The following UNC13B variants were observed in gnomAD, a reference collection of about 807,000 sequenced individuals.
UNC13B encodes the protein unc-13 homolog B.
A neutral mutation model predicts 211.0 loss-of-function variants in UNC13B; 144 were observed. The observed-to-expected ratio is 0.68, with a 90% confidence interval of 0.60 to 0.78. The LOEUF is 0.78. Ranked by LOEUF, UNC13B falls within the 30% of genes least tolerant of loss-of-function variation. The pLI is 0.00. For synonymous variants in UNC13B, 709 were observed against 725.8 expected (o/e 0.98, Z 0.37); for missense variants, 1,777 against 2,002.0 (o/e 0.89, Z 2.14).
chr9:35,300,977 TCTTTC>T lies in UNC13B; in HGVS notation c.1575_1579del (p.Phe526Ter). ...CAAGAATGACAAGGACACGGCCATC[TCTTTC>T]CCTGAGTTGACTGGAGTACAATGTG... is the stretch of plus-strand genomic sequence containing the variant. On this transcript the variant is annotated frameshift_variant, in exon 9 of 40. Coordinates refer to ENST00000635942, the MANE Select transcript of UNC13B (RefSeq NM_001371189.2). LOFTEE classifies it high-confidence loss of function. The T allele has an allele frequency of 2.5e-6, 1 of 399,004 alleles. No individual in the cohort carries two copies. The highest frequency in any genetic ancestry group is 4.4e-6 in the Non-Finnish European group (1 of 226,016). 24.7% of individuals were successfully genotyped at this position (399,004 alleles called of 1,614,324 possible).
Position 35,404,045 on chromosome 9 carries a change from T to G in UNC13B, c.*12T>G. 2 of 1,606,896 alleles carry G rather than the reference T, an allele frequency of 1.2e-6. No homozygotes were observed. Among genetic ancestry groups the G allele is most frequent in the South Asian group, 2.2e-5 (2 of 90,630 alleles). On this transcript the variant is annotated 3_prime_UTR_variant, in exon 40 of 40. Transcript: ENST00000635942. ...AGGAGGGGAGCTGAACACCTTCGAC[T>G]CCTGTGCCAATCAGGCAGCAGCAAT...
Position 35,162,252 on chromosome 9 carries a change from G to A in UNC13B, c.-32G>A, listed in dbSNP as rs541060989. ...AAGAGGGAGCGGTCCGGCGCGGCTG[G>A]GGCGCGGCAGAGGCTTGCCCGATCC... On this transcript the variant is annotated 5_prime_UTR_variant, in exon 1 of 40. Coordinates refer to ENST00000635942, the MANE Select transcript of UNC13B (RefSeq NM_001371189.2). 84 of 1,542,526 alleles carry A rather than the reference G, an allele frequency of 5.4e-5. No individual in the cohort carries two copies. Among genetic ancestry groups the A allele is most frequent in the East Asian group, 1.5e-4 (6 of 40,904 alleles).
intron 1 of UNC13B, among the ~76,000 whole-genome samples, chr9:35,163,030 G>T (rs756193679): frequency 2.6e-5 from 4 of 152,164 alleles, no homozygotes; most frequent in Non-Finnish European, 5.9e-5. Context: ...AGTTCTATGT[G>T]GGTAGAGACT....
intron 11 of UNC13B, among the ~76,000 whole-genome samples, chr9:35,346,060 G>A (rs184013260): frequency 3.5e-4 from 54 of 152,234 alleles, no homozygotes; most frequent in Non-Finnish European, 4.4e-5. Context: ...CATTCCCTTT[G>A]GCTAATCTCA....
At position 35,308,277 on chromosome 9, in the gene UNC13B, C is replaced by T. The variant is rs1830021482; in HGVS notation, c.8873C>T (p.Pro2958Leu). 2.5e-6 allele frequency: 1 copy of T among 399,080 alleles called. No homozygotes were observed. The allele number at this position is 399,080 out of a possible 1,614,324, so 24.7% of individuals were successfully genotyped here. A position where few individuals can be genotyped will look rare whatever the true frequency, so the allele number is the denominator to read the frequency against. Residue 2958 changes from proline (P) to leucine (L), a missense_variant, in exon 9 of 40, where the codon CCC (proline) becomes CTC (leucine). Physicochemically the swap from Pro to Leu is moderately conservative, Grantham distance 98. Coordinates refer to ENST00000635942, the MANE Select transcript of UNC13B (RefSeq NM_001371189.2). ...ACPSGKHEEE[P>L]STVSEIFHQL... ...CCTTCAGGGAAACATGAGGAAGAAC[C>T]CTCCACTGTCTCTGAGATATTTCAC...
Position 35,396,503 on chromosome 9 carries a change from G to A in UNC13B, c.11336G>A (p.Ser3779Asn). Residue 3779 changes from serine (S) to asparagine (N), a missense_variant, in exon 27 of 40, where the codon AGT becomes AAT. By Grantham distance (46) the Ser-to-Asn change is conservative (BLOSUM62 1). Coordinates refer to ENST00000635942, the MANE Select transcript of UNC13B (RefSeq NM_001371189.2). ...CATGAGAAAGACCACCTGTGTAAAA[G>A]TGCTGACTACATGAACCTGCACTTC... The part of the protein sequence containing the change: ...EEHEKDHLCK[S>N]ADYMNLHFKV... The A allele has an allele frequency of 6.2e-7, 1 of 1,614,180 alleles. No homozygotes were observed. The highest frequency in any genetic ancestry group is 8.5e-7 in the Non-Finnish European group (1 of 1,180,044).
intron 1 of UNC13B, among the ~76,000 whole-genome samples, chr9:35,168,274 G>A (rs193253860): frequency 1.3e-5 from 2 of 152,170 alleles, no homozygotes; most frequent in Admixed American, 1.3e-4. Context: ...GGGTACATAT[G>A]CAGGTTTGTT....
rs1297662756 is a variant in UNC13B, at chr9:35,368,090, AG to A, written c.9461+1101del. On this transcript the variant is annotated intron_variant, in intron 12 of 39. Coordinates refer to ENST00000635942, the MANE Select transcript of UNC13B (RefSeq NM_001371189.2). ...TTTTTTTAACTTTTGTTTTAGGTTC[AG>A]GGGTACATGTGCAGGTTTGTTATAT... 2.0e-5 allele frequency among the ~76,000 whole-genome samples: 3 copies of A among 152,258 alleles called. No homozygotes were observed. In the East Asian group the frequency reaches 5.8e-4, roughly 29 times the overall value.
intron 20 of UNC13B, 78 bp downstream of exon 20, chr9:35,381,797 A>C: frequency 1.9e-6 from 3 of 1,555,836 alleles, no homozygotes; most frequent in Non-Finnish European, 2.6e-6. Context: ...CATGGTGGGC[A>C]GGTCCTTAGT....
chr9:35,277,555 C>T (rs1201918847), intron 7 of UNC13B, among the ~76,000 whole-genome samples: 2 of 151,734 alleles, frequency 1.3e-5, no homozygotes, highest in African/African-American at 4.8e-5. Context: ...CCCTGAAGTA[C>T]AAAGGAGCTT....
chr9:35,217,574 A>G (rs1209298901), intron 1 of UNC13B, among the ~76,000 whole-genome samples: 2 of 151,858 alleles, frequency 1.3e-5, no homozygotes, highest in African/African-American at 4.8e-5. Flanking sequence ...TATTTTTAGT[A>G]GAGACGGGGT....
rs374397832 is a variant in UNC13B at position 35,342,624 on chromosome 9, T to C, written c.9415-24323T>C. On this transcript the variant is annotated intron_variant, in intron 11 of 39. Transcript: ENST00000635942. ...CAGCCACCCTCTGGATGTGTGCATA[T>C]TCATATACAAATAATCTGTTTCTCC... Among the ~76,000 whole-genome samples, 103 of 152,240 alleles carry C rather than the reference T, an allele frequency of 6.8e-4. 1 individual carries two copies. In the South Asian group the frequency reaches 0.017, roughly 25 times the overall value.
At chr9:35,287,379 A>C (rs1453020556) in intron 7 of UNC13B, among the ~76,000 whole-genome samples, 1 of 151,604 alleles carries the variant, frequency 6.6e-6, no homozygotes, top group Non-Finnish European at 1.5e-5. Flanking sequence ...TGATCTGCCC[A>C]CCTCAACCTC....
intron 1 of UNC13B, among the ~76,000 whole-genome samples, chr9:35,204,870 A>G (rs186183758): frequency 6.6e-6 from 1 of 152,164 alleles, no homozygotes; most frequent in East Asian, 1.9e-4. Flanking sequence ...GGAAGGCATG[A>G]TTATATTTTG....
At chr9:35,283,514 T>C (rs10972419) in intron 7 of UNC13B, among the ~76,000 whole-genome samples, 3,964 of 151,928 alleles carry the variant, frequency 0.026, 175 homozygotes, top group African/African-American at 0.089. Flanking sequence ...TCACCCCCTC[T>C]CCTCTTTTCC....
chr9:35,257,113 A>C (rs1385193950), intron 6 of UNC13B, among the ~76,000 whole-genome samples: 3 of 151,624 alleles, frequency 2.0e-5, no homozygotes, highest in Non-Finnish European at 4.4e-5. Flanking sequence ...AGTGGCTATT[A>C]TTTATAACCA....
chr9:35,196,576 A>T (rs1822953968), intron 1 of UNC13B, among the ~76,000 whole-genome samples: 1 of 152,098 alleles, frequency 6.6e-6, no homozygotes, highest in South Asian at 2.1e-4. Flanking sequence ...TTTTCTCTTT[A>T]TCCCGGACTT....
intron 7 of UNC13B, among the ~76,000 whole-genome samples, chr9:35,265,133 T>C (rs1001604284): frequency 2.0e-5 from 3 of 152,130 alleles, no homozygotes; most frequent in African/African-American, 7.2e-5. Flanking sequence ...AGACATGAAT[T>C]ATGGGGGGCT....
intron 37 of UNC13B, chr9:35,401,825 C>A: frequency 1.2e-6 from 1 of 865,904 alleles, no homozygotes; most frequent in Non-Finnish European, 1.8e-6. Flanking sequence ...TCTGCCCCAC[C>A]TCTGTGCTCC....
Sources: allele counts gnomAD v4.1 joint callset (sites outside exome capture counted in the v4.1 genomes callset), GRCh38; gene constraint gnomAD v4.1.1; transcripts MANE v1.5; gene names NCBI Gene and HGNC (gene_info 2026-07-23, HGNC 2026-07-21).